NOX3: variants seen among roughly 807,000 people sequenced by gnomAD.
NOX3 encodes the protein NADPH oxidase 3.
A neutral mutation model predicts 76.7 loss-of-function variants in NOX3; 74 were observed. The ratio of observed to expected loss-of-function variants is 0.96; its 90% CI spans 0.80 to 1.17. NOX3 has a LOEUF of 1.17. Ranked by LOEUF, NOX3 falls within the 50% of genes most tolerant of loss-of-function variation. The probability of loss-of-function intolerance (pLI) is 0.00; values close to 1 mark genes in which losing one functional copy is unlikely to be tolerated. For missense variants in NOX3, 695 were observed against 703.3 expected (o/e 0.99, Z 0.13); for synonymous variants, 263 against 261.1 (o/e 1.01, Z -0.07).
chr6:155,395,904 G>A (rs188527236), intron 13 of NOX3, among the ~76,000 whole-genome samples: 115 of 152,168 alleles, frequency 7.6e-4, no homozygotes, highest in African/African-American at 2.5e-3. Flanking sequence ...TTTGTTAAAA[G>A]AGATTGAGAA....
chr6:155,397,339 G>A (rs1353323496), intron 12 of NOX3, among the ~76,000 whole-genome samples: 1 of 152,086 alleles, frequency 6.6e-6, no homozygotes, highest in East Asian at 1.9e-4. Flanking sequence ...GGCCCCTTAT[G>A]GGAAGAGTTT....
chr6:155,404,252 G>C (rs548283617), intron 12 of NOX3, among the ~76,000 whole-genome samples: 1 of 151,892 alleles, frequency 6.6e-6, no homozygotes, highest in Non-Finnish European at 1.5e-5. Context: ...AAATGATCTC[G>C]TCTCTCCTCT....
In NOX3 at chr6:155,436,441, G is replaced by T; in HGVS notation, c.775C>A (p.Gln259Lys). 6.2e-7 allele frequency: 1 copy of T among 1,614,072 alleles called. No homozygotes were observed. Among genetic ancestry groups the T allele is most frequent in the Non-Finnish European group, 8.5e-7 (1 of 1,179,984 alleles). Residue 259 changes from glutamine (Q) to lysine (K), a missense_variant, in exon 7 of 14, where the codon CAA becomes AAA. Gln to Lys is a moderately conservative substitution (Grantham distance 53). Transcript: ENST00000159060. ...ACCGAGGGTTCCTTGCCAGAAAATTGAGGCACGGGGCATTGGGCCACTGTC... is the reference window on the plus strand; with the variant it reads ...ACCGAGGGTTCCTTGCCAGAAAATTTAGGCACGGGGCATTGGGCCACTGTC... ...WQTVAQCPVP[Q>K]FSGKEPSAWK...
Position 155,455,132 on chromosome 6 carries a change from AG to A in NOX3, c.49-4del. 1 of 1,592,892 alleles carries A rather than the reference AG, an allele frequency of 6.3e-7. No individual in the cohort carries two copies. The highest frequency in any genetic ancestry group is 8.6e-7 in the Non-Finnish European group (1 of 1,162,670). On this transcript the variant is annotated splice_polypyrimidine_tract_variant and splice_region_variant and intron_variant, in intron 1 of 13. Coordinates refer to ENST00000159060, the MANE Select transcript of NOX3 (RefSeq NM_015718.3). Reference sequence around the variant, plus strand: ...AAATTTATTCCCAGCCATGAGAGCTAGAGTAGAAAGGAAAGAGAACCAATGA... The same window carrying A: ...AAATTTATTCCCAGCCATGAGAGCTAAGTAGAAAGGAAAGAGAACCAATGA...
intron 12 of NOX3, 126 bp from the exon 13 acceptor site, chr6:155,397,088 G>A (rs763477708): frequency 4.8e-5 from 42 of 874,416 alleles, no homozygotes; most frequent in Non-Finnish European, 6.4e-5. Context: ...CCTCCATGTC[G>A]TTTTTTCTTA....
chr6:155,450,126 C>T (rs1777115427), intron 4 of NOX3, among the ~76,000 whole-genome samples: 1 of 152,166 alleles, frequency 6.6e-6, no homozygotes, highest in South Asian at 2.1e-4. Flanking sequence ...GGGCACTTTG[C>T]TCTGGGTTGC....
chr6:155,432,657 C>CT (rs1296318969), intron 7 of NOX3, among the ~76,000 whole-genome samples: 7 of 152,282 alleles, frequency 4.6e-5, no homozygotes, highest in East Asian at 3.9e-4. Flanking sequence ...ACCCTCTCTG[C>CT]TTTTTTTCCT....
At chr6:155,446,974 A>C (rs1163218263) in intron 4 of NOX3, among the ~76,000 whole-genome samples, 1 of 152,152 alleles carries the variant, frequency 6.6e-6, no homozygotes, top group Non-Finnish European at 1.5e-5. Context: ...TATGATAGTC[A>C]GAAAGAGAAG....
At position 155,420,428 on chromosome 6, in the gene NOX3, A is replaced by G. The variant is rs778197410; in HGVS notation, c.1308+2266T>C. ...AACTTAGGGTGGCTGAAAAATCATC[A>G]CGAACCAAAACAAAGCATTGCTGTG... is the stretch of plus-strand genomic sequence containing the variant. On this transcript the variant is annotated intron_variant, in intron 10 of 13. Coordinates refer to ENST00000159060, the MANE Select transcript of NOX3 (RefSeq NM_015718.3). Among the ~76,000 whole-genome samples the G allele has an allele frequency of 4.6e-5, 7 of 152,320 alleles. No individual in the cohort carries two copies. The East Asian group carries it at 1.3e-3, about 29-fold the overall frequency.
At chr6:155,429,970 C>T (rs745563728) in intron 8 of NOX3, among the ~76,000 whole-genome samples, 25 of 152,214 alleles carry the variant, frequency 1.6e-4, no homozygotes, top group Admixed American at 6.5e-4. Flanking sequence ...GCTTTTGATA[C>T]AGCCTGACAT....
At position 155,395,422 on chromosome 6, in the gene NOX3, G is replaced by A. The variant is rs1779125349; in HGVS notation, c.*180C>T. 1 of 152,086 alleles carries A rather than the reference G, an allele frequency of 6.6e-6. No individual in the cohort carries two copies. Among genetic ancestry groups the A allele is most frequent in the Admixed American group, 6.6e-5 (1 of 15,262 alleles). 9.4% of individuals were successfully genotyped at this position (152,086 alleles called of 1,614,324 possible). A position where few individuals can be genotyped will look rare whatever the true frequency, so the allele number is the denominator to read the frequency against. On this transcript the variant is annotated 3_prime_UTR_variant, in exon 14 of 14. Coordinates refer to ENST00000159060, the MANE Select transcript of NOX3 (RefSeq NM_015718.3). ...TAAATGTTTTTGTTCTGTTGTATAT[G>A]ACATGTTATTTATAAGCTAAGGAAG... is the stretch of plus-strand genomic sequence containing the variant.
At chr6:155,443,875 ATAAAG>A (rs908748320) in intron 4 of NOX3, among the ~76,000 whole-genome samples, 33 of 152,026 alleles carry the variant, frequency 2.2e-4, no homozygotes, top group African/African-American at 8.0e-4. Flanking sequence ...ATATTAATAA[ATAAAG>A]TAAATCTCAG....
intron 10 of NOX3, among the ~76,000 whole-genome samples, chr6:155,416,744 CTTTTTTT>C (rs534711414): frequency 0.02 from 1,835 of 92,530 alleles, 36 homozygotes; most frequent in African/African-American, 0.07. Flanking sequence ...CTGAAACATT[CTTTTTTT>C]TTTTTTTTTT....
intron 12 of NOX3, among the ~76,000 whole-genome samples, chr6:155,405,521 T>A (rs2114676784): frequency 6.6e-6 from 1 of 152,308 alleles, no homozygotes; most frequent in South Asian, 2.1e-4. Flanking sequence ...CGTTTGCTTC[T>A]TATATTCATC....
intron 13 of NOX3, among the ~76,000 whole-genome samples, chr6:155,395,851 T>C (rs1190837569): frequency 6.6e-6 from 1 of 151,884 alleles, no homozygotes; most frequent in Non-Finnish European, 1.5e-5. Context: ...GGAGTATAAG[T>C]GTTAAGAAGA....
intron 10 of NOX3, 40 bp downstream of exon 10, chr6:155,422,653 CT>C: frequency 6.3e-7 from 1 of 1,599,084 alleles, no homozygotes; most frequent in South Asian, 1.1e-5. Flanking sequence ...GACATTGAAC[CT>C]TTTAATCCAT....
Position 155,428,944 on chromosome 6 carries a change from G to T in NOX3, c.995C>A (p.Ser332Ter). 1.2e-6 allele frequency: 2 copies of T among 1,613,996 alleles called. No homozygotes were observed. Among genetic ancestry groups the T allele is most frequent in the Admixed American group, 1.7e-5 (1 of 60,014 alleles). ...AAGGGTGAAGGGGTGCCACTCCAGC[G>T]AAGATATGGCTGGGCACTGCACCAA... The part of the protein sequence containing the change: ...YILVQCPAIS[S>*]LEWHPFTLTS... Residue 332 changes from serine (S) to a stop codon, truncating the protein, a stop_gained, in exon 9 of 14, where the codon TCG becomes TAG. Transcript: ENST00000159060. LOFTEE classifies it high-confidence loss of function.
intron 8 of NOX3, among the ~76,000 whole-genome samples, chr6:155,430,438 A>G (rs980965892): frequency 2.0e-5 from 3 of 151,920 alleles, no homozygotes; most frequent in Non-Finnish European, 4.4e-5. Flanking sequence ...GGTAGTCCCC[A>G]GTGAGAGTGT....
Position 155,422,684 on chromosome 6 carries a change from T to C in NOX3, c.1308+10A>G. 6.2e-7 allele frequency: 1 copy of C among 1,612,960 alleles called. No homozygotes were observed. The stretch of plus-strand genomic sequence containing the variant: ...ATCCATGGAAGGGTGAACTAATGAT[T>C]TTTCCGTACCTTGCTCAGCTTCAGT... On this transcript the variant is annotated intron_variant, in intron 10 of 13. Transcript: ENST00000159060.
Sources: gnomAD v4.1 joint callset for allele counts (sites outside exome capture counted in the v4.1 genomes callset) on GRCh38, gnomAD v4.1.1 for gene constraint, MANE v1.5 for transcripts, NCBI Gene and HGNC (gene_info 2026-07-23, HGNC 2026-07-21) for gene names.